Variants in PDZRN3 observed in about 807,000 individuals in gnomAD.
PDZRN3 encodes the protein E3 ubiquitin-protein ligase PDZRN3.
A neutral mutation model predicts 85.7 loss-of-function variants in PDZRN3; 38 were observed. The ratio of observed to expected loss-of-function variants is 0.44; its 90% CI spans 0.34 to 0.58. The LOEUF is 0.58. PDZRN3 is among the 20% of genes least tolerant of loss of function. The pLI, the probability that PDZRN3 is intolerant of heterozygous loss-of-function variation, is 0.01. For missense variants in PDZRN3, 1,629 were observed against 1,506.4 expected, an observed-to-expected ratio of 1.08 and a Z score of -1.35; for synonymous variants, 759 against 638.0, an observed-to-expected ratio of 1.19 and a Z score of -2.86.
intron 3 of PDZRN3, among the ~76,000 whole-genome samples, chr3:73,593,372 G>GA (rs1482458502): frequency 6.6e-6 from 1 of 152,030 alleles, no homozygotes; most frequent in Non-Finnish European, 1.5e-5. Context: ...TTTATGAAAG[G>GA]AAGACTTTGA....
intron 1 of PDZRN3, among the ~76,000 whole-genome samples, chr3:73,618,590 ATTTTC>A (rs137868579): frequency 0.11 from 17,349 of 152,162 alleles, 1,084 homozygotes; most frequent in East Asian, 0.18. Flanking sequence ...AATGAATATT[ATTTTC>A]TTTTCTTTTA....
chr3:73,513,232 T>C (rs1704199589), intron 3 of PDZRN3, among the ~76,000 whole-genome samples: 1 of 152,230 alleles, frequency 6.6e-6, no homozygotes, highest in Admixed American at 6.5e-5. Flanking sequence ...ACGAGTGAGC[T>C]GCTGTTCATA....
intron 3 of PDZRN3, among the ~76,000 whole-genome samples, chr3:73,519,222 A>G (rs202091582): frequency 1.3e-5 from 2 of 151,196 alleles, no homozygotes; most frequent in African/African-American, 4.9e-5. Context: ...TGTGAAGAGC[A>G]AGGAGACTGA....
chr3:73,488,631 C>T (rs907726627), intron 3 of PDZRN3, among the ~76,000 whole-genome samples: 4 of 152,346 alleles, frequency 2.6e-5, no homozygotes, highest in Middle Eastern at 3.4e-3. Context: ...TTATGTCTTA[C>T]TTAGCCCTTA....
At chr3:73,529,152 A>T (rs552856364) in intron 3 of PDZRN3, among the ~76,000 whole-genome samples, 1 of 152,146 alleles carries the variant, frequency 6.6e-6, no homozygotes, top group Non-Finnish European at 1.5e-5. Context: ...TGCTGGAAAA[A>T]ATCTTACGGT....
intron 3 of PDZRN3, among the ~76,000 whole-genome samples, chr3:73,505,997 C>T (rs1704063600): frequency 6.6e-6 from 1 of 151,958 alleles, no homozygotes; most frequent in African/African-American, 2.4e-5. Context: ...AACACAGCCA[C>T]AAACCATGGA....
intron 3 of PDZRN3, among the ~76,000 whole-genome samples, chr3:73,432,726 A>G (rs1180923097): frequency 6.6e-6 from 1 of 152,244 alleles, no homozygotes; most frequent in Non-Finnish European, 1.5e-5. Context: ...ATTGTTATAA[A>G]TCAAGAAACA....
chr3:73,406,092 C>T lies in PDZRN3; in HGVS notation c.919-1697G>A, dbSNP rs80321815. On this transcript the variant is annotated intron_variant, in intron 3 of 9. Transcript: ENST00000263666. ...AATTTATTTACATCACGAGGGAGTT[C>T]GGCAGAAAAGAACTCTGGGTCACAA... 7.2e-3 allele frequency among the ~76,000 whole-genome samples: 1,085 copies of T among 149,968 alleles called. 15 individuals carry two copies. Among genetic ancestry groups the T allele is most frequent in the African/African-American group, 0.023 (893 of 39,388 alleles).
intron 3 of PDZRN3, among the ~76,000 whole-genome samples, chr3:73,434,876 T>C (rs887735669): frequency 2.0e-5 from 3 of 152,232 alleles, no homozygotes; most frequent in African/African-American, 7.2e-5. Flanking sequence ...GCCTCTGTCC[T>C]GCTGAGTAAG....
At chr3:73,387,289 T>C (rs62251079) in intron 8 of PDZRN3, among the ~76,000 whole-genome samples, 49,679 of 152,182 alleles carry the variant, frequency 0.33, 9,886 homozygotes, top group East Asian at 0.72. Context: ...GATGTGTTGC[T>C]GGAGCCATTC....
At chr3:73,461,857 C>A (rs536678186) in intron 3 of PDZRN3, among the ~76,000 whole-genome samples, 3 of 152,162 alleles carry the variant, frequency 2.0e-5, no homozygotes, top group Admixed American at 6.5e-5. Context: ...GCAGGGCCAG[C>A]GCTTGGACAG....
intron 3 of PDZRN3, among the ~76,000 whole-genome samples, chr3:73,439,629 C>A (rs944193456): frequency 6.6e-6 from 1 of 152,186 alleles, no homozygotes; most frequent in Non-Finnish European, 1.5e-5. Flanking sequence ...AGAATGCACA[C>A]ACAAAAAATG....
chr3:73,428,024 G>T (rs556765114), intron 3 of PDZRN3, among the ~76,000 whole-genome samples: 1 of 152,180 alleles, frequency 6.6e-6, no homozygotes, highest in Non-Finnish European at 1.5e-5. Context: ...AGGCAGAAAG[G>T]AACAGCCAGC....
At chr3:73,460,430 T>C (rs1249728297) in intron 3 of PDZRN3, among the ~76,000 whole-genome samples, 1 of 152,224 alleles carries the variant, frequency 6.6e-6, no homozygotes, top group Non-Finnish European at 1.5e-5. Context: ...TGGCCCCTCA[T>C]CTGTTGGAGT....
chr3:73,606,689 T>C (rs1401858404), intron 2 of PDZRN3, among the ~76,000 whole-genome samples: 1 of 152,242 alleles, frequency 6.6e-6, no homozygotes, highest in Non-Finnish European at 1.5e-5. Flanking sequence ...TCTACCTTCA[T>C]ATTTACAATT....
At chr3:73,484,438 C>G (rs1167776887) in intron 3 of PDZRN3, among the ~76,000 whole-genome samples, 2 of 151,848 alleles carry the variant, frequency 1.3e-5, no homozygotes, top group African/African-American at 4.8e-5. Context: ...AGTTCGATGC[C>G]CCAGAGAACA....
chr3:73,471,654 C>G (rs758405878), intron 3 of PDZRN3, among the ~76,000 whole-genome samples: 33 of 152,298 alleles, frequency 2.2e-4, no homozygotes, highest in Admixed American at 7.2e-4. Context: ...GTTTTGCCCT[C>G]AAGGAGGGCT....
rs190730932 is a variant in PDZRN3 at position 73,464,281 on chromosome 3, G to A, written c.919-59886C>T. 1.9e-4 allele frequency among the ~76,000 whole-genome samples: 29 copies of A among 152,246 alleles called. No individual in the cohort carries two copies. The East Asian group carries it at 3.1e-3, about 16-fold the overall frequency. On this transcript the variant is annotated intron_variant, in intron 3 of 9. Coordinates refer to ENST00000263666, the MANE Select transcript of PDZRN3 (RefSeq NM_015009.3). ...ATTATAGGCGTGAGCCATGGTGCCT[G>A]GCCCTGTGTATTCTTTATTGGGTAA...
Position 73,480,507 on chromosome 3 carries a change from G to A in PDZRN3, c.919-76112C>T, listed in dbSNP as rs1703541275. Reference sequence around the variant, plus strand: ...GTCTGGCTCTCTTCTCAATCATGCTGACTGCATACTCCACCCTGTTCTTTC... The same window carrying A: ...GTCTGGCTCTCTTCTCAATCATGCTAACTGCATACTCCACCCTGTTCTTTC... On this transcript the variant is annotated intron_variant, in intron 3 of 9. Coordinates refer to ENST00000263666, the MANE Select transcript of PDZRN3 (RefSeq NM_015009.3). Among the ~76,000 whole-genome samples, 3 of 152,070 alleles carry A rather than the reference G, an allele frequency of 2.0e-5. No homozygotes were observed. In the South Asian group the frequency reaches 6.2e-4, roughly 32 times the overall value.
Sources: allele counts gnomAD v4.1 joint callset (sites outside exome capture counted in the v4.1 genomes callset), GRCh38; gene constraint gnomAD v4.1.1; transcripts MANE v1.5; gene names NCBI Gene and HGNC (gene_info 2026-07-23, HGNC 2026-07-21).